Variants in KIF13B observed in about 807,000 individuals in gnomAD.
KIF13B encodes the protein kinesin-like protein KIF13B.
Under a neutral mutation model 222.0 loss-of-function variants are expected in KIF13B, and 127 were observed. The observed-to-expected ratio is 0.57, with a 90% confidence interval of 0.50 to 0.66. The LOEUF (loss-of-function observed/expected upper bound fraction) is 0.66, where lower values mean the gene tolerates loss of function less well. Among genes scored for constraint, KIF13B ranks in the 30% least tolerant of loss-of-function variants. The pLI, the probability that KIF13B is intolerant of heterozygous loss-of-function variation, is 0.00. For missense variants in KIF13B, 2,173 were observed against 2,379.0 expected, an observed-to-expected ratio of 0.91 and a Z score of 1.80; for synonymous variants, 976 against 919.0, an observed-to-expected ratio of 1.06 and a Z score of -1.12.
chr8:29,136,077 C>G (rs1216481835), intron 21 of KIF13B, among the ~76,000 whole-genome samples: 1 of 152,164 alleles, frequency 6.6e-6, no homozygotes, highest in East Asian at 1.9e-4. Context: ...TAGCTACTTC[C>G]TGACAGGCTA....
At position 29,187,144 on chromosome 8, in the gene KIF13B, T is replaced by C. The variant is rs540560777; in HGVS notation, c.317-672A>G. On this transcript the variant is annotated intron_variant, in intron 5 of 39. Coordinates refer to ENST00000524189, the MANE Select transcript of KIF13B (RefSeq NM_015254.4). ...ACCAGTGATCACAGCACAAAAAATA[T>C]AGGTTCTCCCTGTGGACCCCAGAGC... Among the ~76,000 whole-genome samples, 6 of 152,262 alleles carry C rather than the reference T, an allele frequency of 3.9e-5. No homozygotes were observed. In the East Asian group the frequency reaches 5.8e-4, roughly 15 times the overall value.
At chr8:29,177,171 T>G (rs564800582) in intron 9 of KIF13B, among the ~76,000 whole-genome samples, 9 of 151,866 alleles carry the variant, frequency 5.9e-5, no homozygotes, top group African/African-American at 2.2e-4. Flanking sequence ...CGCCATCTAG[T>G]GGGGAGAAGC....
chr8:29,186,167 C>A, intron 6 of KIF13B, 125 bp downstream of exon 6: 1 of 691,022 alleles, frequency 1.4e-6, no homozygotes, highest in Non-Finnish European at 2.5e-6. Flanking sequence ...ATGATTGTGC[C>A]ACTGCACTGA....
chr8:29,130,979 C>T (rs1255042397), intron 23 of KIF13B, among the ~76,000 whole-genome samples: 2 of 152,060 alleles, frequency 1.3e-5, no homozygotes, highest in Non-Finnish European at 2.9e-5. Flanking sequence ...AAGTACACAG[C>T]CATAAAAAAA....
chr8:29,103,199 G>A (rs1265372034), intron 35 of KIF13B, among the ~76,000 whole-genome samples: 13 of 146,862 alleles, frequency 8.9e-5, no homozygotes, highest in African/African-American at 2.8e-4. Context: ...CCGAGATAGC[G>A]CCACTGCAGT....
rs1457159509 is a variant in KIF13B at position 29,142,187 on chromosome 8, C to A, written c.2304G>T (p.Gln768His). ...NRLLDMRDLY[Q>H]EWKECEEDNP... is the part of the protein sequence containing the mutation. ...TATCTTCTTCACACTCTTTCCACTC[C>A]TGATAAAGGTCTCTCATATCCAACA... is the stretch of plus-strand genomic sequence containing the variant. Residue 768 changes from glutamine to histidine, a missense_variant, in exon 19 of 40, where the codon CAG becomes CAT. Transcript: ENST00000524189. The A allele has an allele frequency of 3.1e-6, 5 of 1,613,602 alleles. No individual in the cohort carries two copies. The highest frequency in any genetic ancestry group is 4.2e-6 in the Non-Finnish European group (5 of 1,179,604).
chr8:29,236,580 T>C (rs887295556), intron 2 of KIF13B, among the ~76,000 whole-genome samples: 2 of 152,218 alleles, frequency 1.3e-5, no homozygotes, highest in African/African-American at 4.8e-5. Flanking sequence ...CTGACTTGTA[T>C]ATACAGGTCA....
At position 29,241,086 on chromosome 8, in the gene KIF13B, T is replaced by C. The variant is rs191917991; in HGVS notation, c.149+4260A>G. ...TCAACTGATGAATGGATAAACAAAA[T>C]GTGATACAACAGACTATTATTTCAT... On this transcript the variant is annotated intron_variant, in intron 2 of 39. Transcript: ENST00000524189. Among the ~76,000 whole-genome samples, 108 of 152,222 alleles carry C rather than the reference T, an allele frequency of 7.1e-4. 1 individual carries two copies. Among genetic ancestry groups the C allele is most frequent in the Non-Finnish European group, 4.4e-5 (3 of 68,000 alleles).
At chr8:29,211,892 C>T (rs1160215293) in intron 2 of KIF13B, among the ~76,000 whole-genome samples, 1 of 152,144 alleles carries the variant, frequency 6.6e-6, no homozygotes, top group African/African-American at 2.4e-5. Flanking sequence ...TTCCTCTAGG[C>T]CCAGGCAACC....
chr8:29,199,574 C>CAAAAAAA (rs10579222), intron 2 of KIF13B, among the ~76,000 whole-genome samples: 4 of 119,452 alleles, frequency 3.3e-5, no homozygotes, highest in African/African-American at 6.4e-5. Context: ...TTCCAAAATC[C>CAAAAAAA]AAAAAAAAAA....
chr8:29,161,312 C>A (rs1295970515), intron 12 of KIF13B, among the ~76,000 whole-genome samples: 1 of 152,204 alleles, frequency 6.6e-6, no homozygotes, highest in Non-Finnish European at 1.5e-5. Flanking sequence ...GATCACAAGG[C>A]CCTTCAACCT....
intron 1 of KIF13B, among the ~76,000 whole-genome samples, chr8:29,249,387 G>A (rs1167692680): frequency 3.5e-5 from 5 of 143,244 alleles, no homozygotes; most frequent in Admixed American, 7.3e-5. Context: ...CCAAGATCAC[G>A]CCACTGCACT....
chr8:29,128,530 A>T (rs1810212642), intron 24 of KIF13B, among the ~76,000 whole-genome samples: 1 of 152,212 alleles, frequency 6.6e-6, no homozygotes, highest in Non-Finnish European at 1.5e-5. Flanking sequence ...AGTCCTAAAG[A>T]AAATATTTTA....
chr8:29,207,172 C>A (rs1474616578), intron 2 of KIF13B, among the ~76,000 whole-genome samples: 1 of 152,184 alleles, frequency 6.6e-6, no homozygotes, highest in African/African-American at 2.4e-5. Flanking sequence ...CCCCAACTCT[C>A]CAGCCTCAAT....
At position 29,069,159 on chromosome 8, in the gene KIF13B, T is replaced by C. The variant is rs1807134078; in HGVS notation, c.*1345A>G. The stretch of plus-strand genomic sequence containing the variant: ...TGTGAATCTTGACCCAGGACTCCTG[T>C]CCCTAGATTGGTGGCCTTCCACACA... On this transcript the variant is annotated 3_prime_UTR_variant, in exon 40 of 40. Transcript: ENST00000524189. 6.6e-6 allele frequency: 1 copy of C among 152,230 alleles called. No homozygotes were observed. The highest frequency in any genetic ancestry group is 2.4e-5 in the African/African-American group (1 of 41,440). The allele number at this position is 152,230 out of a possible 1,614,324, so 9.4% of individuals were successfully genotyped here.
Position 29,181,718 on chromosome 8 carries a change from T to C in KIF13B, c.585+201A>G, listed in dbSNP as rs139321272. Among the ~76,000 whole-genome samples, 6 of 152,374 alleles carry C rather than the reference T, an allele frequency of 3.9e-5. No individual in the cohort carries two copies. In the East Asian group the frequency reaches 1.2e-3, roughly 29 times the overall value. ...ATTCACTAAGTCTGATAACTTTTCA[T>C]TTAAAAGCCTCATCCTATTTAGTCT... On this transcript the variant is annotated intron_variant, in intron 7 of 39. Transcript: ENST00000524189.
chr8:29,090,754 G>A (rs1808261025), intron 37 of KIF13B, among the ~76,000 whole-genome samples: 1 of 152,042 alleles, frequency 6.6e-6, no homozygotes, highest in South Asian at 2.1e-4. Context: ...CTGTCACCCA[G>A]GCTGGAATGC....
intron 2 of KIF13B, among the ~76,000 whole-genome samples, chr8:29,225,826 T>C (rs1295585405): frequency 6.6e-6 from 1 of 152,216 alleles, no homozygotes; most frequent in Non-Finnish European, 1.5e-5. Context: ...AGTTTCCAAA[T>C]GTTCAGTACA....
At chr8:29,133,298 C>T (rs557948032) in intron 22 of KIF13B, among the ~76,000 whole-genome samples, 3 of 152,252 alleles carry the variant, frequency 2.0e-5, no homozygotes, top group South Asian at 2.1e-4. Flanking sequence ...CAACAAAAAA[C>T]GCACTGTTGG....
Sources: gnomAD v4.1 joint callset for allele counts (sites outside exome capture counted in the v4.1 genomes callset) on GRCh38, gnomAD v4.1.1 for gene constraint, MANE v1.5 for transcripts, NCBI Gene and HGNC (gene_info 2026-07-23, HGNC 2026-07-21) for gene names.